GOLGA8J: variants seen among roughly 807,000 people sequenced by gnomAD.
GOLGA8J encodes the protein golgin subfamily A member 8J.
GOLGA8J carries 19 observed loss-of-function variants against 67.7 expected under a neutral mutation model. The observed-to-expected ratio is 0.28, with a 90% confidence interval of 0.20 to 0.41. GOLGA8J has a LOEUF of 0.41. Ranked by LOEUF, GOLGA8J falls within the 10% of genes least tolerant of loss-of-function variation. The pLI, the probability that GOLGA8J is intolerant of heterozygous loss-of-function variation, is 1.00. For synonymous variants in GOLGA8J, 69 were observed against 215.9 expected (o/e 0.32, Z 5.97); for missense variants, 205 against 584.3 (o/e 0.35, Z 6.69).
intron 14 of GOLGA8J, 42 bp from the exon 15 acceptor site, chr15:30,092,000 C>T (rs1478883632): frequency 6.3e-7 from 1 of 1,594,518 alleles, no homozygotes. Context: ...CAGTACCTCC[C>T]TTGTTGGGTT....
chr15:30,088,597 T>G (rs894717758), intron 8 of GOLGA8J, 143 bp from the exon 9 acceptor site: 20 of 825,810 alleles, frequency 2.4e-5, no homozygotes, highest in Non-Finnish European at 4.0e-6. Flanking sequence ...TGAGTTCTTT[T>G]AAAAACCAGA....
rs1417184460 is a variant in GOLGA8J at position 30,085,020 on chromosome 15, C to T, written c.168+130C>T. ...GGCTTTAGCCGGGTGTGGTGGCCCA[C>T]GCCTGTAATCCTAGCACTTTGGGAG... On this transcript the variant is annotated intron_variant, in intron 2 of 18. Transcript: ENST00000567927. 3.2e-5 allele frequency: 17 copies of T among 524,256 alleles called. No homozygotes were observed. In the African/African-American group the frequency reaches 3.3e-4, roughly 10 times the overall value. The allele number at this position is 524,256 out of a possible 1,614,324, so 32.5% of individuals were successfully genotyped here. A position where few individuals can be genotyped will look rare whatever the true frequency, so the allele number is the denominator to read the frequency against.
In GOLGA8J at chr15:30,090,399, C is replaced by G. The variant is rs2057386680; in HGVS notation, c.1200+119C>G. 8 of 1,527,282 alleles carry G rather than the reference C, an allele frequency of 5.2e-6. No individual in the cohort carries two copies. The East Asian group carries it at 1.9e-4, about 36-fold the overall frequency. The allele number at this position is 1,527,282 out of a possible 1,614,324, so 94.6% of individuals were successfully genotyped here. Reference sequence around the variant, plus strand: ...CCAGCCTGGGGGCTGGTGACCACAGCACCCCCCAGGGCAGTCCTGTGACTG... The same window carrying G: ...CCAGCCTGGGGGCTGGTGACCACAGGACCCCCCAGGGCAGTCCTGTGACTG... On this transcript the variant is annotated intron_variant, in intron 13 of 18. Coordinates refer to ENST00000567927, the MANE Select transcript of GOLGA8J (RefSeq NM_001282472.2).
rs199996038 is a variant in GOLGA8J at position 30,092,087 on chromosome 15, G to A, written c.1322G>A (p.Arg441Gln). Reference sequence around the variant, plus strand: ...GACAGTGAGGGGGAGGAGGCACCTCGGCCCATGCCGAGTGTCCCAGAGGAC... The same window carrying A: ...GACAGTGAGGGGGAGGAGGCACCTCAGCCCATGCCGAGTGTCCCAGAGGAC... Reference protein sequence around the residue: ...HLDSEGEEAPRPMPSVPEDPE... With the variant: ...HLDSEGEEAPQPMPSVPEDPE... The change falls in exon 15 of 19, where the codon CGG (arginine) becomes CAG (glutamine). Residue 441 changes from arginine (R) to glutamine (Q), a missense_variant. By Grantham distance (43) the Arg-to-Gln change is conservative (BLOSUM62 1). Transcript: ENST00000567927. The A allele has an allele frequency of 7.5e-3, 11,767 of 1,571,776 alleles. 95 individuals carry two copies. The highest frequency in any genetic ancestry group is 0.014 in the East Asian group (629 of 43,438).
intron 8 of GOLGA8J, chr15:30,088,331 G>T (rs2057358753): frequency 3.9e-6 from 1 of 259,542 alleles, no homozygotes; most frequent in South Asian, 3.0e-5. Context: ...CTGCCTAAGT[G>T]AACTTAGGCA....
intron 1 of GOLGA8J, among the ~76,000 whole-genome samples, chr15:30,084,375 G>A (rs2604670): frequency 1.8e-4 from 23 of 125,434 alleles, no homozygotes; most frequent in East Asian, 8.6e-4. Context: ...ATTGATATAA[G>A]AGTTTGAGAG....
rs1014049351 is a variant in GOLGA8J at position 30,093,990 on chromosome 15, A to G, written c.*491A>G. On this transcript the variant is annotated 3_prime_UTR_variant, in exon 19 of 19. Transcript: ENST00000567927. ...ATATGTAGTTTGCCCCCAAGTGTGC[A>G]CTGTTTATTACTTTGTAATATGCCA... 2.8e-5 allele frequency among the ~76,000 whole-genome samples: 4 copies of G among 145,410 alleles called. No homozygotes were observed. Among genetic ancestry groups the G allele is most frequent in the Non-Finnish European group, 4.5e-5 (3 of 67,258 alleles).
intron 2 of GOLGA8J, among the ~76,000 whole-genome samples, chr15:30,085,374 G>A (rs576026008): frequency 1.5e-5 from 1 of 66,474 alleles, no homozygotes; most frequent in East Asian, 3.4e-4. Flanking sequence ...AGACCTCATC[G>A]GGCCTCTCTT....
At position 30,085,005 on chromosome 15, in the gene GOLGA8J, G is replaced by T. The variant is rs574099470; in HGVS notation, c.168+115G>T. On this transcript the variant is annotated intron_variant, in intron 2 of 18. Transcript: ENST00000567927. ...CTGGTTAAGAATTCTGGCTTTAGCC[G>T]GGTGTGGTGGCCCACGCCTGTAATC... 67 of 1,035,868 alleles carry T rather than the reference G, an allele frequency of 6.5e-5. 3 individuals carry two copies. In the Admixed American group the frequency reaches 1.8e-3, roughly 28 times the overall value. The allele number at this position is 1,035,868 out of a possible 1,614,324, so 64.2% of individuals were successfully genotyped here.
chr15:30,091,919 A>G lies in GOLGA8J; in HGVS notation c.1277-123A>G, dbSNP rs1239633869. ...TTCTTAAAAGTAAAAATAAAGAACA[A>G]CAGCTCATTCCTCTCTGGGGAGGGG... is the stretch of plus-strand genomic sequence containing the variant. On this transcript the variant is annotated intron_variant, in intron 14 of 18. Transcript: ENST00000567927. 36 of 671,062 alleles carry G rather than the reference A, an allele frequency of 5.4e-5. 1 individual carries two copies. Among genetic ancestry groups the G allele is most frequent in the South Asian group, 2.6e-4 (15 of 57,678 alleles). The allele number at this position is 671,062 out of a possible 1,614,324, so 41.6% of individuals were successfully genotyped here. A position where few individuals can be genotyped will look rare whatever the true frequency, so the allele number is the denominator to read the frequency against.
Position 30,093,172 on chromosome 15 carries a change from C to G in GOLGA8J, c.1656C>G (p.Asn552Lys), listed in dbSNP as rs2057432206. 1 of 1,533,058 alleles carries G rather than the reference C, an allele frequency of 6.5e-7. No homozygotes were observed. The highest frequency in any genetic ancestry group is 2.3e-4 in the Middle Eastern group (1 of 4,346). The allele number at this position is 1,533,058 out of a possible 1,614,324, so 95.0% of individuals were successfully genotyped here. A position where few individuals can be genotyped will look rare whatever the true frequency, so the allele number is the denominator to read the frequency against. Residue 552 changes from asparagine to lysine, a missense_variant, in exon 18 of 19, where the codon AAC (asparagine) becomes AAG (lysine). Physicochemically the swap from Asn to Lys is moderately conservative, Grantham distance 94. Transcript: ENST00000567927. ...GAAAATTCCTGGCCGCTGCCCACAA[C>G]TCTGCTGATGAGCCCGGTCCAGGAG... is the stretch of plus-strand genomic sequence containing the variant. ...GHRKFLAAAH[N>K]SADEPGPGAP...
Position 30,089,961 on chromosome 15 carries a change from G to A in GOLGA8J, c.1131+5G>A, listed in dbSNP as rs185620778. On this transcript the variant is annotated splice_donor_5th_base_variant and intron_variant, in intron 12 of 18. Transcript: ENST00000567927. Reference sequence around the variant, plus strand: ...CAGAGCGTCTTCAAGGAGCCGGTGCGTTGCCCAAACTGGGGAGCTTGCCCT... The same window carrying A: ...CAGAGCGTCTTCAAGGAGCCGGTGCATTGCCCAAACTGGGGAGCTTGCCCT... The A allele has an allele frequency of 2.6e-3, 3,941 of 1,527,600 alleles. 499 individuals carry two copies. Among genetic ancestry groups the A allele is most frequent in the South Asian group, 0.02 (1,637 of 83,918 alleles). 94.6% of individuals were successfully genotyped at this position (1,527,600 alleles called of 1,614,324 possible). A position where few individuals can be genotyped will look rare whatever the true frequency, so the allele number is the denominator to read the frequency against.
chr15:30,088,050 T>TGC (rs2057354367), intron 8 of GOLGA8J: 1 of 524,462 alleles, frequency 1.9e-6, no homozygotes, highest in Admixed American at 2.4e-5. Context: ...GAAACGTGTG[T>TGC]GCGTGTGTGT....
chr15:30,090,750 G>A (rs1326322955), intron 13 of GOLGA8J, among the ~76,000 whole-genome samples: 5 of 125,710 alleles, frequency 4.0e-5, no homozygotes, highest in African/African-American at 7.4e-5. Flanking sequence ...CCACCTACTC[G>A]GGAGGCTGAG....
At chr15:30,087,985 T>C (rs977274811) in intron 8 of GOLGA8J, 2 of 565,124 alleles carry the variant, frequency 3.5e-6, no homozygotes, top group Non-Finnish European at 6.6e-6. Context: ...TGGGTACTTG[T>C]ACTGTGAAGG....
intron 2 of GOLGA8J, among the ~76,000 whole-genome samples, chr15:30,085,319 C>T (rs1440436974): frequency 6.3e-5 from 6 of 95,570 alleles, no homozygotes; most frequent in Non-Finnish European, 1.1e-4. Context: ...TTGAATCCTG[C>T]CTCTCCATCT....
Position 30,096,196 on chromosome 15 carries a change from C to A in GOLGA8J, c.*2697C>A, listed in dbSNP as rs1190227782. 1.4e-5 allele frequency among the ~76,000 whole-genome samples: 2 copies of A among 146,954 alleles called. No homozygotes were observed. The highest frequency in any genetic ancestry group is 3.0e-5 in the Non-Finnish European group (2 of 67,360). On this transcript the variant is annotated 3_prime_UTR_variant, in exon 19 of 19. Coordinates refer to ENST00000567927, the MANE Select transcript of GOLGA8J (RefSeq NM_001282472.2). ...ACATTTTAATGTCTGTAGGAAGAAT[C>A]AAAACACCTATTTAAAGATGGCAAT... is the stretch of plus-strand genomic sequence containing the variant.
chr15:30,084,935 G>A lies in GOLGA8J; in HGVS notation c.168+45G>A, dbSNP rs2057334458. On this transcript the variant is annotated intron_variant, in intron 2 of 18. Transcript: ENST00000567927. The stretch of plus-strand genomic sequence containing the variant: ...GCTTCTGGGGACAGGGGGCCCAAGG[G>A]GCAGTAGAGGGTAATTGTTAAGATT... The A allele has an allele frequency of 2.0e-6, 3 of 1,494,692 alleles. 1 individual carries two copies. The highest frequency in any genetic ancestry group is 2.6e-6 in the Non-Finnish European group (3 of 1,141,498). 92.6% of individuals were successfully genotyped at this position (1,494,692 alleles called of 1,614,324 possible). A position where few individuals can be genotyped will look rare whatever the true frequency, so the allele number is the denominator to read the frequency against.
At chr15:30,085,337 T>G (rs1185732241) in intron 2 of GOLGA8J, among the ~76,000 whole-genome samples, 3 of 86,866 alleles carry the variant, frequency 3.5e-5, no homozygotes, top group Non-Finnish European at 5.7e-5. Flanking sequence ...TCTGCTCTGC[T>G]AGGGATATGA....
Sources: allele counts gnomAD v4.1 joint callset (sites outside exome capture counted in the v4.1 genomes callset), GRCh38; gene constraint gnomAD v4.1.1; transcripts MANE v1.5; gene names NCBI Gene and HGNC (gene_info 2026-07-23, HGNC 2026-07-21).